The following ASB3 variants were observed in gnomAD, a reference collection of about 807,000 sequenced individuals.
The protein encoded by ASB3 is ankyrin repeat and SOCS box containing 3.
ASB3 carries 41 observed loss-of-function variants against 54.5 expected under a neutral mutation model. The observed-to-expected ratio is 0.75, with a 90% confidence interval of 0.59 to 0.98. The LOEUF (loss-of-function observed/expected upper bound fraction) is 0.98, where lower values mean the gene tolerates loss of function less well. Ranked by LOEUF, ASB3 falls within the 50% of genes least tolerant of loss-of-function variation. The pLI, the probability that ASB3 is intolerant of heterozygous loss-of-function variation, is 0.00. For synonymous variants in ASB3, 266 were observed against 221.2 expected (o/e 1.20, Z -1.80); for missense variants, 733 against 620.0 (o/e 1.18, Z -1.94).
chr2:53,706,888 C>A (rs182534411), intron 7 of ASB3, among the ~76,000 whole-genome samples: 1 of 152,318 alleles, frequency 6.6e-6, no homozygotes, highest in Admixed American at 6.5e-5. Flanking sequence ...ACATATCCAA[C>A]CTCTTTTGCT....
At chr2:53,704,316 C>T (rs949734848) in intron 7 of ASB3, among the ~76,000 whole-genome samples, 36 of 147,756 alleles carry the variant, frequency 2.4e-4, no homozygotes, top group Non-Finnish European at 4.6e-4. Context: ...GTCAAGATCA[C>T]GCCACTGCAC....
At chr2:53,735,856 T>G (rs575497018) in intron 3 of ASB3, among the ~76,000 whole-genome samples, 55 of 152,210 alleles carry the variant, frequency 3.6e-4, no homozygotes, top group African/African-American at 1.2e-3. Flanking sequence ...AATGGTCACT[T>G]TTATGACAAA....
At chr2:53,687,025 C>G (rs1412256910) in intron 9 of ASB3, among the ~76,000 whole-genome samples, 1 of 152,156 alleles carries the variant, frequency 6.6e-6, no homozygotes, top group Non-Finnish European at 1.5e-5. Flanking sequence ...TGGCCAATTG[C>G]TCCTTTCTTA....
chr2:53,760,514 C>A, intron 2 of ASB3, among the ~76,000 whole-genome samples: 1 of 152,160 alleles, frequency 6.6e-6, no homozygotes, highest in Non-Finnish European at 1.5e-5. Context: ...CTCCAGGAAA[C>A]CAAGGCCCAG....
rs111791114 is a variant in ASB3, at chr2:53,706,653, G to T, written c.981-6125C>A. Among the ~76,000 whole-genome samples, 1,475 of 152,138 alleles carry T rather than the reference G, an allele frequency of 9.7e-3. 32 individuals are homozygous for T. The highest frequency in any genetic ancestry group is 0.034 in the African/African-American group (1,416 of 41,486). On this transcript the variant is annotated intron_variant, in intron 7 of 9. Transcript: ENST00000263634. ...GGAGAGACGGGGTTTCAGCATGTTA[G>T]CCAGGATGGTCTCAATCTCCTGACC...
At chr2:53,746,650 T>A (rs1672243984) in intron 3 of ASB3, among the ~76,000 whole-genome samples, 1 of 152,052 alleles carries the variant, frequency 6.6e-6, no homozygotes, top group African/African-American at 2.4e-5. Flanking sequence ...AGCTAATTTT[T>A]TGTATTTTTA....
chr2:53,757,766 C>G (rs1672917316), intron 2 of ASB3, among the ~76,000 whole-genome samples: 1 of 152,134 alleles, frequency 6.6e-6, no homozygotes, highest in Non-Finnish European at 1.5e-5. Context: ...GGACCCATTC[C>G]CCACCACCCT....
At chr2:53,755,110 A>T (rs1672741517) in intron 2 of ASB3, among the ~76,000 whole-genome samples, 1 of 152,192 alleles carries the variant, frequency 6.6e-6, no homozygotes, top group South Asian at 2.1e-4. Context: ...TGAAACTTTA[A>T]ATGGTGTGGG....
At chr2:53,717,447 T>A (rs888243344) in intron 5 of ASB3, among the ~76,000 whole-genome samples, 3 of 151,954 alleles carry the variant, frequency 2.0e-5, no homozygotes, top group African/African-American at 7.3e-5. Context: ...AGAAAAAGGG[T>A]CTCTTTCAAC....
intron 1 of ASB3, among the ~76,000 whole-genome samples, chr2:53,779,370 A>G (rs1674522001): frequency 6.6e-6 from 1 of 152,164 alleles, no homozygotes; most frequent in African/African-American, 2.4e-5. Context: ...ACCAACAACT[A>G]TTCTCTAACA....
At chr2:53,736,011 A>G (rs1028512847) in intron 3 of ASB3, among the ~76,000 whole-genome samples, 13 of 151,922 alleles carry the variant, frequency 8.6e-5, no homozygotes, top group African/African-American at 1.4e-4. Context: ...AAAAAAAAAA[A>G]AAAGAAAGGA....
chr2:53,768,449 T>G (rs1040248354), intron 1 of ASB3, among the ~76,000 whole-genome samples: 1 of 152,260 alleles, frequency 6.6e-6, no homozygotes, highest in Non-Finnish European at 1.5e-5. Flanking sequence ...TTGGCATTTC[T>G]GCATTCTAGC....
chr2:53,702,701 C>T (rs921263213), intron 7 of ASB3, among the ~76,000 whole-genome samples: 3 of 152,116 alleles, frequency 2.0e-5, no homozygotes, highest in Non-Finnish European at 4.4e-5. Flanking sequence ...TGGGGGTTTG[C>T]ACATTTTCTA....
chr2:53,710,041 C>G lies in ASB3; in HGVS notation c.980+4343G>C, dbSNP rs1670003370. Among the ~76,000 whole-genome samples the G allele has an allele frequency of 2.0e-5, 3 of 152,208 alleles. No homozygotes were observed. The South Asian group carries it at 6.2e-4, about 31-fold the overall frequency. On this transcript the variant is annotated intron_variant, in intron 7 of 9. Coordinates refer to ENST00000263634, the MANE Select transcript of ASB3 (RefSeq NM_016115.5). ...GTGAGCCTCTGTGGAAGTTGATCCC[C>G]TGGCTCCTGTCAAGCTTGCTAATGA...
At chr2:53,744,568 G>A (rs1012123816) in intron 3 of ASB3, among the ~76,000 whole-genome samples, 1 of 151,854 alleles carries the variant, frequency 6.6e-6, no homozygotes, top group Non-Finnish European at 1.5e-5. Flanking sequence ...GTATTTTAAA[G>A]AACATGTCCT....
chr2:53,771,894 CT>C (rs768687508), intron 1 of ASB3: 1 of 1,538,156 alleles, frequency 6.5e-7, no homozygotes, highest in South Asian at 1.2e-5. Flanking sequence ...TTTTTTTTAC[CT>C]TTTTAAAACA....
At chr2:53,679,373 A>G (rs2103655043) in intron 9 of ASB3, among the ~76,000 whole-genome samples, 1 of 152,182 alleles carries the variant, frequency 6.6e-6, no homozygotes, top group South Asian at 2.1e-4. Flanking sequence ...CCTCCTCAGC[A>G]AGACTTTACT....
chr2:53,753,671 G>T (rs1489012747), intron 2 of ASB3, among the ~76,000 whole-genome samples: 2 of 150,026 alleles, frequency 1.3e-5, no homozygotes, highest in Non-Finnish European at 3.0e-5. Flanking sequence ...TTTTGAGACA[G>T]TGTTGCCCAG....
At chr2:53,750,159 C>CAG (rs1672439404) in intron 3 of ASB3, among the ~76,000 whole-genome samples, 1 of 152,028 alleles carries the variant, frequency 6.6e-6, no homozygotes, top group Non-Finnish European at 1.5e-5. Context: ...TTCATTGACT[C>CAG]AATTTTCTCA....
Sources: gnomAD v4.1 joint callset for allele counts (sites outside exome capture counted in the v4.1 genomes callset) on GRCh38, gnomAD v4.1.1 for gene constraint, MANE v1.5 for transcripts, NCBI Gene and HGNC (gene_info 2026-07-23, HGNC 2026-07-21) for gene names.